The following ARHGAP35 variants were observed in gnomAD, a reference collection of about 807,000 sequenced individuals.
The protein encoded by ARHGAP35 is Rho GTPase activating protein 35, also known as rho GTPase-activating protein 35.
A neutral mutation model predicts 111.1 loss-of-function variants in ARHGAP35; 15 were observed. The ratio of observed to expected loss-of-function variants is 0.13; its 90% CI spans 0.09 to 0.21. ARHGAP35 has a LOEUF of 0.21. Among genes scored for constraint, ARHGAP35 ranks in the 10% least tolerant of loss-of-function variants. ARHGAP35 has a pLI of 1.00. For missense variants in ARHGAP35, 1,262 were observed against 1,873.0 expected, an observed-to-expected ratio of 0.67 and a Z score of 6.02; for synonymous variants, 643 against 710.3, an observed-to-expected ratio of 0.91 and a Z score of 1.51.
intron 1 of ARHGAP35, among the ~76,000 whole-genome samples, chr19:46,896,642 C>G (rs913938133): frequency 6.6e-6 from 1 of 152,070 alleles, no homozygotes; most frequent in African/African-American, 2.4e-5. Flanking sequence ...GGGGTTAAGC[C>G]ACGTGTGTGG....
rs201617559 is a variant in ARHGAP35, at chr19:47,000,367, C to T, written c.4179C>T (p.Ser1393=). 1.1e-5 allele frequency: 18 copies of T among 1,613,872 alleles called. No homozygotes were observed. Among genetic ancestry groups the T allele is most frequent in the East Asian group, 1.1e-4 (5 of 44,870 alleles). ...ACAACAAGGTGAATCTCATGACCAG[C>T]GAGAACCTCTCCATCTGCTTCTGGC... ...SHNNKVNLMT[S]ENLSICFWPT... The change falls in exon 7 of 7, where the codon AGC becomes AGT. Residue 1393 remains serine (S), a synonymous_variant. Coordinates refer to ENST00000672722, the MANE Select transcript of ARHGAP35 (RefSeq NM_004491.5). This position sits in a 1 kb window ranked among gnomAD's most constrained non-coding sequence, Gnocchi z 6.9.
chr19:46,875,570 A>G (rs542481865), intron 1 of ARHGAP35, among the ~76,000 whole-genome samples: 2 of 152,292 alleles, frequency 1.3e-5, no homozygotes, highest in South Asian at 4.1e-4. Flanking sequence ...GTGACTTAGG[A>G]CAAGTCATTT....
intron 3 of ARHGAP35, among the ~76,000 whole-genome samples, chr19:46,978,218 T>A (rs1237945087): frequency 6.6e-6 from 1 of 152,190 alleles, no homozygotes; most frequent in Non-Finnish European, 1.5e-5. Flanking sequence ...TGCCTGAGGC[T>A]TACAGGCTTC....
rs1198626715 is a variant in ARHGAP35 at position 47,003,090 on chromosome 19, C to G, written c.*2402C>G. 6.6e-6 allele frequency: 1 copy of G among 152,356 alleles called. No homozygotes were observed. Among genetic ancestry groups the G allele is most frequent in the African/African-American group, 2.4e-5 (1 of 41,454 alleles). The allele number at this position is 152,356 out of a possible 1,614,324, so 9.4% of individuals were successfully genotyped here. On this transcript the variant is annotated 3_prime_UTR_variant, in exon 7 of 7. Coordinates refer to ENST00000672722, the MANE Select transcript of ARHGAP35 (RefSeq NM_004491.5). Reference sequence around the variant, plus strand: ...TCTTGTTTCCCCCGCTAACTTCAGCCTCTCATCTGCTGCTCCGGGCTGAGG... The same window carrying G: ...TCTTGTTTCCCCCGCTAACTTCAGCGTCTCATCTGCTGCTCCGGGCTGAGG...
intron 1 of ARHGAP35, among the ~76,000 whole-genome samples, chr19:46,868,946 C>T (rs924103839): frequency 2.6e-5 from 3 of 114,830 alleles, no homozygotes; most frequent in Admixed American, 1.1e-4. Context: ...TGCTCTGTCA[C>T]TCAGGCTGGA....
At chr19:46,911,185 T>C (rs556051968) in intron 1 of ARHGAP35, among the ~76,000 whole-genome samples, 2 of 152,308 alleles carry the variant, frequency 1.3e-5, no homozygotes, top group Non-Finnish European at 2.9e-5. Flanking sequence ...TTATGTCACC[T>C]CTCCAAACTC....
intron 1 of ARHGAP35, among the ~76,000 whole-genome samples, chr19:46,873,762 T>C (rs2055900987): frequency 6.6e-6 from 1 of 152,166 alleles, no homozygotes; most frequent in Non-Finnish European, 1.5e-5. Context: ...TTTTTTTCTT[T>C]TTTGAGACGG....
chr19:46,954,072 T>G (rs2056426267), intron 3 of ARHGAP35, among the ~76,000 whole-genome samples: 1 of 152,140 alleles, frequency 6.6e-6, no homozygotes, highest in South Asian at 2.1e-4. Context: ...CTCCTCCCTC[T>G]GCCATGTGAG....
At chr19:46,995,350 G>A (rs932753628) in intron 5 of ARHGAP35, among the ~76,000 whole-genome samples, 8 of 152,178 alleles carry the variant, frequency 5.3e-5, no homozygotes, top group African/African-American at 1.7e-4. Context: ...GCAGTGAGCC[G>A]AGATCGTGCC....
At chr19:46,882,357 C>G (rs1178955052) in intron 1 of ARHGAP35, among the ~76,000 whole-genome samples, 1 of 151,998 alleles carries the variant, frequency 6.6e-6, no homozygotes, top group South Asian at 2.1e-4. Context: ...ATGCTGGTCT[C>G]GAATTCCTGG....
intron 1 of ARHGAP35, among the ~76,000 whole-genome samples, chr19:46,877,739 T>A (rs1442278200): frequency 2.0e-5 from 3 of 151,912 alleles, no homozygotes; most frequent in Non-Finnish European, 4.4e-5. Flanking sequence ...ACAGTTTCGC[T>A]CTTGTTGGCC....
At chr19:46,968,330 G>A (rs991084705) in intron 3 of ARHGAP35, among the ~76,000 whole-genome samples, 1 of 152,164 alleles carries the variant, frequency 6.6e-6, no homozygotes, top group African/African-American at 2.4e-5. Flanking sequence ...ATTTAGGTGG[G>A]ATATCTAAAT....
rs192047844 is a variant in ARHGAP35, at chr19:46,981,511, C to G, written c.3827-6478C>G. ...GTGAAGGAGCAGAGGCGAAGCCTGA[C>G]GCTGGCCGACAGCACTGCTGCTAAG... On this transcript the variant is annotated intron_variant, in intron 3 of 6. Coordinates refer to ENST00000672722, the MANE Select transcript of ARHGAP35 (RefSeq NM_004491.5). Among the ~76,000 whole-genome samples, 4 of 152,314 alleles carry G rather than the reference C, an allele frequency of 2.6e-5. No homozygotes were observed. In the South Asian group the frequency reaches 8.3e-4, roughly 32 times the overall value.
intron 1 of ARHGAP35, among the ~76,000 whole-genome samples, chr19:46,897,671 G>A: frequency 6.8e-6 from 1 of 147,294 alleles, no homozygotes; most frequent in South Asian, 2.2e-4. Context: ...TTTTGTAATG[G>A]GATTTTCAGG....
At chr19:46,943,969 A>G (rs2056364057) in intron 3 of ARHGAP35, among the ~76,000 whole-genome samples, 1 of 152,170 alleles carries the variant, frequency 6.6e-6, no homozygotes, top group African/African-American at 2.4e-5. Context: ...GACTTGAACT[A>G]TCCCATCACT....
Position 46,989,319 on chromosome 19 carries a change from A to T in ARHGAP35, c.3905-225A>T, listed in dbSNP as rs1476608076. The T allele has an allele frequency of 8.2e-6, 4 of 484,888 alleles. No homozygotes were observed. Among genetic ancestry groups the T allele is most frequent in the Non-Finnish European group, 1.1e-5 (3 of 269,474 alleles). The allele number at this position is 484,888 out of a possible 1,614,324, so 30.0% of individuals were successfully genotyped here. On this transcript the variant is annotated intron_variant, in intron 4 of 6. Transcript: ENST00000672722. This position sits in a 1 kb window ranked among gnomAD's most constrained non-coding sequence, Gnocchi z 5.3. ...GTAGCACCCCTGCCCCGAGAGTGGTAGAAGGGGCAGTTCAGCAGTCTCGGA... is the reference window on the plus strand; with the variant it reads ...GTAGCACCCCTGCCCCGAGAGTGGTTGAAGGGGCAGTTCAGCAGTCTCGGA...
intron 3 of ARHGAP35, among the ~76,000 whole-genome samples, chr19:46,942,085 C>G (rs950591744): frequency 6.6e-6 from 1 of 151,808 alleles, no homozygotes; most frequent in Non-Finnish European, 1.5e-5. Context: ...CTTTGTGTAC[C>G]CTTATTTCCT....
chr19:46,864,323 CCTTAA>C (rs1211335516), intron 1 of ARHGAP35, among the ~76,000 whole-genome samples: 1 of 152,132 alleles, frequency 6.6e-6, no homozygotes, highest in Non-Finnish European at 1.5e-5. Flanking sequence ...CATTTTCCTT[CCTTAA>C]CTTGGGAAAG....
In ARHGAP35 at chr19:47,001,664, G is replaced by T; in HGVS notation, c.*976G>T. The T allele has an allele frequency of 2.8e-6, 1 of 354,226 alleles. No homozygotes were observed. The highest frequency in any genetic ancestry group is 5.5e-6 in the Non-Finnish European group (1 of 181,162). The allele number at this position is 354,226 out of a possible 1,614,324, so 21.9% of individuals were successfully genotyped here. On this transcript the variant is annotated 3_prime_UTR_variant, in exon 7 of 7. Transcript: ENST00000672722. This position sits in a 1 kb window ranked among gnomAD's most constrained non-coding sequence, Gnocchi z 5.4. ...GACAGCTGGGGAGATGGCAGTGCAG[G>T]CTGGAACCTGGGCTGCCCCAGAACA...
Sources: gnomAD v4.1 joint callset for allele counts (sites outside exome capture counted in the v4.1 genomes callset) on GRCh38, gnomAD v4.1.1 for gene constraint, Gnocchi (gnomAD v3.1) non-coding constraint, MANE v1.5 for transcripts, NCBI Gene and HGNC (gene_info 2026-07-23, HGNC 2026-07-21) for gene names.